The following LOC128462377 variants were observed in gnomAD, a reference collection of about 807,000 sequenced individuals.
the LOC128462377 span, among the ~76,000 whole-genome samples, chr16:89,396,411 G>C: frequency 2.0e-5 from 3 of 152,168 alleles, no homozygotes; most frequent in Non-Finnish European, 4.4e-5. Flanking sequence ...GAAGCCCTGA[G>C]ACTCCCCTGC....
At chr16:89,337,007 CAA>C in the LOC128462377 span, among the ~76,000 whole-genome samples, 10,014 of 46,844 alleles carry the variant, frequency 0.21, 537 homozygotes, top group Non-Finnish European at 0.28. Flanking sequence ...CTGGCTCTAC[CAA>C]AAAAAAAAAA....
the LOC128462377 span, among the ~76,000 whole-genome samples, chr16:89,417,971 C>A: frequency 2.6e-5 from 4 of 152,210 alleles, no homozygotes; most frequent in Non-Finnish European, 5.9e-5. Context: ...ACCAGACCAT[C>A]TGAGGATGAA....
the LOC128462377 span, among the ~76,000 whole-genome samples, chr16:89,369,119 C>G: frequency 6.6e-6 from 1 of 152,124 alleles, no homozygotes; most frequent in Non-Finnish European, 1.5e-5. Flanking sequence ...GCCTGACAAT[C>G]TACCCTAGAA....
chr16:89,372,544 TAAAAC>T, the LOC128462377 span, among the ~76,000 whole-genome samples: 21 of 152,240 alleles, frequency 1.4e-4, no homozygotes, highest in Admixed American at 1.3e-3. Context: ...CATGAGCTGA[TAAAAC>T]AAGATGATGT....
the LOC128462377 span, among the ~76,000 whole-genome samples, chr16:89,350,189 C>T: frequency 3.9e-5 from 6 of 152,150 alleles, no homozygotes; most frequent in African/African-American, 7.2e-5. Context: ...CACCATGTAA[C>T]GGCAAGGACA....
At chr16:89,411,215 C>T in the LOC128462377 span, among the ~76,000 whole-genome samples, 2 of 152,262 alleles carry the variant, frequency 1.3e-5, no homozygotes, top group Non-Finnish European at 2.9e-5. Flanking sequence ...CATCCCCTCT[C>T]GTGTGTGCTG....
chr16:89,356,464 T>C, the LOC128462377 span, among the ~76,000 whole-genome samples: 2 of 151,930 alleles, frequency 1.3e-5, no homozygotes, highest in South Asian at 2.1e-4. Context: ...CTTGTTCCAA[T>C]GTCAGCTCTA....
At chr16:89,330,658 G>C in the LOC128462377 span, among the ~76,000 whole-genome samples, 1 of 8,368 alleles carries the variant, frequency 1.2e-4, no homozygotes, top group African/African-American at 3.2e-4. Context: ...TACAGTGACT[G>C]GGGGGGGGGG....
chr16:89,334,051 C>T, the LOC128462377 span, among the ~76,000 whole-genome samples: 4 of 149,658 alleles, frequency 2.7e-5, no homozygotes, highest in Non-Finnish European at 5.9e-5. Context: ...GTGGCTCAAG[C>T]CTGTAAAACA....
chr16:89,379,653 C>T, the LOC128462377 span, among the ~76,000 whole-genome samples: 1 of 152,224 alleles, frequency 6.6e-6, no homozygotes, highest in African/African-American at 2.4e-5. Context: ...CTCTCTGCCT[C>T]CCACCTCCAG....
At chr16:89,324,616 G>T in the LOC128462377 span, 7 of 427,558 alleles carry the variant, frequency 1.6e-5, no homozygotes, top group Non-Finnish European at 2.8e-5. Context: ...GCAGATCTGC[G>T]GAAGCACTGG....
At chr16:89,336,392 A>C in the LOC128462377 span, among the ~76,000 whole-genome samples, 3 of 152,344 alleles carry the variant, frequency 2.0e-5, no homozygotes, top group East Asian at 5.8e-4. Context: ...CACTGGATTC[A>C]AAGACCCAGG....
chr16:89,323,223 G>GAAA, the LOC128462377 span: 1 of 1,090,934 alleles, frequency 9.2e-7, no homozygotes, highest in Non-Finnish European at 1.2e-6. Flanking sequence ...CTGAGCGGAG[G>GAAA]AAAAAAGAAA....
the LOC128462377 span, among the ~76,000 whole-genome samples, chr16:89,365,116 T>A: frequency 6.6e-6 from 1 of 152,210 alleles, no homozygotes; most frequent in African/African-American, 2.4e-5. Flanking sequence ...CTCCTTCCCT[T>A]ATGACAGACC....
At chr16:89,328,842 GGA>G in the LOC128462377 span, 625 of 122,950 alleles carry the variant, frequency 5.1e-3, 49 homozygotes, top group African/African-American at 0.019. Context: ...GACATACCCA[GGA>G]GCACGGGCGA....
chr16:89,384,879 C>CTTTTTTTTTTTTTTTTTTT, the LOC128462377 span, among the ~76,000 whole-genome samples: 147 of 49,938 alleles, frequency 2.9e-3, 18 homozygotes, highest in Non-Finnish European at 3.7e-3. Flanking sequence ...AAATAGTTTT[C>CTTTTTTTTTTTTTTTTTTT]TTTTTTTTTT....
chr16:89,324,103 G>C, the LOC128462377 span: 1 of 472,032 alleles, frequency 2.1e-6, no homozygotes, highest in Non-Finnish European at 3.2e-6. Flanking sequence ...GCCGGCCTCG[G>C]CCTCCCAAAG....
the LOC128462377 span, among the ~76,000 whole-genome samples, chr16:89,369,480 CACAAAGCTCTGCCGTATCAGA>C: frequency 6.6e-6 from 1 of 152,226 alleles, no homozygotes; most frequent in Non-Finnish European, 1.5e-5. Context: ...GCCGCAACAG[CACAAAGCTCTGCCGTATCAGA>C]CACAAAGGCC....
At chr16:89,403,913 G>A in the LOC128462377 span, among the ~76,000 whole-genome samples, 2 of 152,118 alleles carry the variant, frequency 1.3e-5, no homozygotes, top group South Asian at 4.1e-4. Context: ...AACAAAGCAA[G>A]ACTTGTCTCT....
Sources: allele counts gnomAD v4.1 joint callset (sites outside exome capture counted in the v4.1 genomes callset), GRCh38; gene constraint gnomAD v4.1.1; transcripts MANE v1.5.